MAP4K3: variants seen among roughly 807,000 people sequenced by gnomAD.
MAP4K3 encodes mitogen-activated protein kinase kinase kinase kinase 3.
A neutral mutation model predicts 143.5 loss-of-function variants in MAP4K3; 94 were observed. The ratio of observed to expected loss-of-function variants is 0.65; its 90% CI spans 0.55 to 0.78. The LOEUF (loss-of-function observed/expected upper bound fraction) is 0.78. MAP4K3 is among the 30% of genes least tolerant of loss of function. The probability of loss-of-function intolerance (pLI) is 0.00; values close to 1 mark genes in which losing one functional copy is unlikely to be tolerated. For missense variants in MAP4K3, 1,077 were observed against 1,068.1 expected (o/e 1.01, Z -0.12); for synonymous variants, 416 against 347.2 (o/e 1.20, Z -2.20).
At chr2:39,308,542 T>G (rs981314487) in intron 14 of MAP4K3, among the ~76,000 whole-genome samples, 5 of 152,158 alleles carry the variant, frequency 3.3e-5, no homozygotes, top group African/African-American at 1.2e-4. Context: ...TTATTAACAG[T>G]TATTTTCTTC....
At chr2:39,293,134 A>G in intron 17 of MAP4K3, 96 bp downstream of exon 17, 2 of 910,268 alleles carry the variant, frequency 2.2e-6, no homozygotes, top group African/African-American at 3.4e-5. Context: ...GAAAAAAAAG[A>G]CAACGCAAAC....
intron 3 of MAP4K3, among the ~76,000 whole-genome samples, chr2:39,352,222 T>C (rs1347631993): frequency 6.6e-6 from 1 of 151,754 alleles, no homozygotes; most frequent in East Asian, 2.0e-4. Context: ...ACTCGGGAGG[T>C]GGAGGTTGCA....
At chr2:39,368,369 T>C (rs905548008) in intron 2 of MAP4K3, among the ~76,000 whole-genome samples, 2 of 152,158 alleles carry the variant, frequency 1.3e-5, no homozygotes, top group African/African-American at 2.4e-5. Flanking sequence ...AATGACATAT[T>C]GTTTAAAATA....
intron 2 of MAP4K3, among the ~76,000 whole-genome samples, chr2:39,357,260 G>A (rs375818740): frequency 6.6e-6 from 1 of 152,152 alleles, no homozygotes; most frequent in Non-Finnish European, 1.5e-5. Context: ...TGCAGAAAGA[G>A]AACAAATGGA....
Position 39,280,328 on chromosome 2 carries a change from T to C in MAP4K3, c.1658A>G (p.Asn553Ser). Reference sequence around the variant, plus strand: ...ACAGTGAATTTTCAAGGGACACCCATTAAAAACTTTTGAAAAACATGCACC... The same window carrying C: ...ACAGTGAATTTTCAAGGGACACCCACTAAAAACTTTTGAAAAACATGCACC... ...HMGACFSKVF[N>S]GCPLKIHCAS... Residue 553 changes from asparagine to serine, a missense_variant, in exon 23 of 34, where the codon AAT becomes AGT. Physicochemically the swap from Asn to Ser is conservative, Grantham distance 46. Transcript: ENST00000263881. 1 of 1,604,898 alleles carries C rather than the reference T, an allele frequency of 6.2e-7. No homozygotes were observed. The highest frequency in any genetic ancestry group is 8.5e-7 in the Non-Finnish European group (1 of 1,174,424).
At chr2:39,368,388 T>C (rs2148568000) in intron 2 of MAP4K3, among the ~76,000 whole-genome samples, 1 of 152,294 alleles carries the variant, frequency 6.6e-6, no homozygotes, top group Non-Finnish European at 1.5e-5. Context: ...TAGTTTTAGC[T>C]GGACACAGTG....
chr2:39,275,495 A>G (rs1209299606), intron 24 of MAP4K3, among the ~76,000 whole-genome samples: 1 of 152,156 alleles, frequency 6.6e-6, no homozygotes, highest in Non-Finnish European at 1.5e-5. Flanking sequence ...AATAACAACA[A>G]CAACAAAAGA....
Position 39,426,974 on chromosome 2 carries a change from T to C in MAP4K3, c.96+9918A>G, listed in dbSNP as rs139260376. 6.5e-3 allele frequency among the ~76,000 whole-genome samples: 987 copies of C among 152,088 alleles called. 10 individuals are homozygous for C. The highest frequency in any genetic ancestry group is 0.023 in the African/African-American group (945 of 41,518). Reference sequence around the variant, plus strand: ...CTGAGGAAATACGCTACTCTTCAGATTAAAGAAAAACAGTAAATATTTTTA... The same window carrying C: ...CTGAGGAAATACGCTACTCTTCAGACTAAAGAAAAACAGTAAATATTTTTA... On this transcript the variant is annotated intron_variant, in intron 1 of 33. Coordinates refer to ENST00000263881, the MANE Select transcript of MAP4K3 (RefSeq NM_003618.4).
intron 22 of MAP4K3, among the ~76,000 whole-genome samples, chr2:39,281,982 T>G (rs981109858): frequency 6.6e-6 from 1 of 151,670 alleles, no homozygotes; most frequent in Non-Finnish European, 1.5e-5. Flanking sequence ...TCACCTGAGG[T>G]CAGAAGTTCA....
At chr2:39,423,574 A>G (rs1427870829) in intron 1 of MAP4K3, among the ~76,000 whole-genome samples, 2 of 152,222 alleles carry the variant, frequency 1.3e-5, no homozygotes, top group African/African-American at 4.8e-5. Context: ...ATGAGATATT[A>G]TTCAGTAATT....
chr2:39,407,692 C>A (rs565051758), intron 1 of MAP4K3, among the ~76,000 whole-genome samples: 1 of 152,140 alleles, frequency 6.6e-6, no homozygotes, highest in East Asian at 1.9e-4. Context: ...TCATCTCAGC[C>A]TCCTGAGATG....
intron 1 of MAP4K3, among the ~76,000 whole-genome samples, chr2:39,420,311 C>T (rs184793763): frequency 1.3e-5 from 2 of 152,336 alleles, no homozygotes; most frequent in African/African-American, 2.4e-5. Flanking sequence ...TCCATATACA[C>T]GTGCACTTAC....
intron 2 of MAP4K3, 25 bp downstream of exon 2, chr2:39,378,040 GA>G: frequency 2.2e-6 from 3 of 1,385,842 alleles, no homozygotes; most frequent in Non-Finnish European, 2.0e-6. Context: ...CTAGCAGTAA[GA>G]AAAAATGAAT....
intron 12 of MAP4K3, among the ~76,000 whole-genome samples, chr2:39,321,737 G>A (rs1475088041): frequency 6.6e-6 from 1 of 152,240 alleles, no homozygotes. Flanking sequence ...GGGAAAAACC[G>A]CCTTAGGGCT....
At chr2:39,285,573 C>G (rs1428713175) in intron 21 of MAP4K3, among the ~76,000 whole-genome samples, 1 of 152,050 alleles carries the variant, frequency 6.6e-6, no homozygotes, top group East Asian at 1.9e-4. Flanking sequence ...TGAATAACAC[C>G]AAATACTTTA....
intron 24 of MAP4K3, among the ~76,000 whole-genome samples, chr2:39,272,999 A>T (rs1281663966): frequency 6.6e-6 from 1 of 152,066 alleles, no homozygotes; most frequent in Non-Finnish European, 1.5e-5. Flanking sequence ...CAGAAACACT[A>T]GGTATGGAGG....
chr2:39,264,089 G>C (rs1216378477), intron 28 of MAP4K3, among the ~76,000 whole-genome samples: 1 of 152,072 alleles, frequency 6.6e-6, no homozygotes, highest in African/African-American at 2.4e-5. Flanking sequence ...CCTGAAGAAA[G>C]AAAGGAAAAA....
chr2:39,351,798 A>G (rs778220932), intron 3 of MAP4K3, among the ~76,000 whole-genome samples: 38 of 152,034 alleles, frequency 2.5e-4, no homozygotes, highest in Non-Finnish European at 1.6e-4. Flanking sequence ...CCTCCCTAGT[A>G]GCTGGGACTA....
At chr2:39,377,227 G>GTT (rs1666243916) in intron 2 of MAP4K3, among the ~76,000 whole-genome samples, 3 of 32,104 alleles carry the variant, frequency 9.3e-5, no homozygotes, top group Admixed American at 3.6e-4. Flanking sequence ...AACAGAAAAA[G>GTT]TTTTTCCACT....
Sources: allele counts gnomAD v4.1 joint callset (sites outside exome capture counted in the v4.1 genomes callset), GRCh38; gene constraint gnomAD v4.1.1; transcripts MANE v1.5; gene names NCBI Gene and HGNC (gene_info 2026-07-23, HGNC 2026-07-21).